The following CGNL1 variants were observed in gnomAD, a reference collection of about 807,000 sequenced individuals.
CGNL1 encodes cingulin-like protein 1.
CGNL1 carries 132 observed loss-of-function variants against 141.2 expected under a neutral mutation model. That is an observed-to-expected ratio of 0.93 (90% CI 0.81 to 1.08). CGNL1 has a LOEUF of 1.08. CGNL1 is among the 50% of genes least tolerant of loss of function. CGNL1 has a pLI of 0.00. For synonymous variants in CGNL1, 690 were observed against 622.1 expected, an observed-to-expected ratio of 1.11 and a Z score of -1.63; for missense variants, 1,870 against 1,588.6, an observed-to-expected ratio of 1.18 and a Z score of -3.01.
chr15:57,432,511 CA>C (rs1402685397), intron 1 of CGNL1, among the ~76,000 whole-genome samples: 2 of 152,146 alleles, frequency 1.3e-5, no homozygotes, highest in African/African-American at 2.4e-5. Context: ...GTATTATTTC[CA>C]CTCCAAAACA....
chr15:57,440,557 C>A, intron 3 of CGNL1, 86 bp downstream of exon 3: 3 of 1,016,622 alleles, frequency 3.0e-6, no homozygotes, highest in South Asian at 1.4e-5. Context: ...TAATGGTTAC[C>A]TTCCTTTCTT....
chr15:57,501,700 G>A (rs1479348030), intron 8 of CGNL1, among the ~76,000 whole-genome samples: 1 of 152,154 alleles, frequency 6.6e-6, no homozygotes, highest in Non-Finnish European at 1.5e-5. Flanking sequence ...GGCAAGAGGT[G>A]ACCTCTAGGA....
intron 1 of CGNL1, among the ~76,000 whole-genome samples, chr15:57,396,339 A>T (rs1323552453): frequency 6.9e-6 from 1 of 144,762 alleles, no homozygotes; most frequent in Non-Finnish European, 1.5e-5. Flanking sequence ...CAGTGATGTG[A>T]TCTCAGCTCA....
intron 8 of CGNL1, among the ~76,000 whole-genome samples, chr15:57,463,143 C>T (rs989415655): frequency 6.6e-6 from 1 of 151,978 alleles, no homozygotes; most frequent in African/African-American, 2.4e-5. Flanking sequence ...CTGGGTGGCT[C>T]CTTTAAGGGC....
intron 8 of CGNL1, among the ~76,000 whole-genome samples, chr15:57,480,450 G>A (rs541102059): frequency 5.9e-5 from 9 of 152,260 alleles, no homozygotes; most frequent in Admixed American, 2.0e-4. Context: ...AACTCAGGAG[G>A]CGGAGGTTGC....
chr15:57,467,985 C>A (rs970018228), intron 8 of CGNL1, among the ~76,000 whole-genome samples: 6 of 152,018 alleles, frequency 3.9e-5, no homozygotes, highest in African/African-American at 1.4e-4. Flanking sequence ...CCACCATGGC[C>A]GGCTAAGTCT....
At chr15:57,524,831 T>C (rs1273460084) in intron 12 of CGNL1, 80 bp downstream of exon 12, 1 of 1,406,284 alleles carries the variant, frequency 7.1e-7, no homozygotes, top group Non-Finnish European at 9.7e-7. Context: ...GTGAGGGACT[T>C]GGGGGTAGAT....
chr15:57,531,853 T>C, intron 14 of CGNL1, 74 bp downstream of exon 14: 1 of 932,650 alleles, frequency 1.1e-6, no homozygotes, highest in South Asian at 1.4e-5. Context: ...ATCCTGGGGC[T>C]TCAGTTAAGT....
intron 1 of CGNL1, among the ~76,000 whole-genome samples, chr15:57,426,156 T>A (rs906187360): frequency 6.6e-5 from 10 of 152,084 alleles, no homozygotes; most frequent in Admixed American, 3.3e-4. Context: ...ACATTCTTTT[T>A]TTTTTTGAGA....
At position 57,547,594 on chromosome 15, in the gene CGNL1, A is replaced by T; in HGVS notation, c.*104A>T. On this transcript the variant is annotated 3_prime_UTR_variant, in exon 19 of 19. Transcript: ENST00000281282. ...CATCTGTCTGCCACTGAGACCAATCACAGCCTCTTTGCACAGCATGCCAGC... is the reference window on the plus strand; with the variant it reads ...CATCTGTCTGCCACTGAGACCAATCTCAGCCTCTTTGCACAGCATGCCAGC... The T allele has an allele frequency of 7.5e-7, 1 of 1,327,190 alleles. No homozygotes were observed. 82.2% of individuals were successfully genotyped at this position (1,327,190 alleles called of 1,614,324 possible). A position where few individuals can be genotyped will look rare whatever the true frequency, so the allele number is the denominator to read the frequency against.
At chr15:57,524,110 G>A (rs759058785) in intron 11 of CGNL1, among the ~76,000 whole-genome samples, 9 of 152,212 alleles carry the variant, frequency 5.9e-5, no homozygotes, top group Non-Finnish European at 1.3e-4. Flanking sequence ...GAGTTGACAC[G>A]AGTGTCTGCT....
intron 8 of CGNL1, among the ~76,000 whole-genome samples, chr15:57,488,898 CTT>C (rs1472562203): frequency 0.011 from 1,647 of 152,288 alleles, 32 homozygotes; most frequent in African/African-American, 0.037. Context: ...ACTAGAGCTG[CTT>C]ACCATGTTGC....
chr15:57,411,917 A>T (rs1331079688), intron 1 of CGNL1, among the ~76,000 whole-genome samples: 1 of 152,134 alleles, frequency 6.6e-6, no homozygotes, highest in Admixed American at 6.5e-5. Flanking sequence ...CTTATTTTAA[A>T]CAAGAGCATC....
chr15:57,383,317 A>G (rs1184100763), intron 1 of CGNL1, among the ~76,000 whole-genome samples: 1 of 73,104 alleles, frequency 1.4e-5, no homozygotes, highest in Admixed American at 1.2e-4. Context: ...TTTTTTTGAT[A>G]CAGAGTTGCC....
chr15:57,437,147 A>G (rs2152303809), intron 1 of CGNL1, among the ~76,000 whole-genome samples: 1 of 152,322 alleles, frequency 6.6e-6, no homozygotes, highest in Middle Eastern at 3.4e-3. Flanking sequence ...AGCTCTCTGC[A>G]GTCATCTGGC....
At chr15:57,458,399 T>C (rs1011846288) in intron 7 of CGNL1, among the ~76,000 whole-genome samples, 2 of 152,220 alleles carry the variant, frequency 1.3e-5, no homozygotes, top group Non-Finnish European at 2.9e-5. Context: ...TACTAAGTGA[T>C]ATGGCGAGGT....
intron 16 of CGNL1, 111 bp downstream of exon 16, chr15:57,544,708 A>G: frequency 7.8e-7 from 1 of 1,278,384 alleles, no homozygotes; most frequent in Non-Finnish European, 1.1e-6. Context: ...CCTGTGAGGA[A>G]GGCAGAGCAA....
chr15:57,519,762 G>A (rs1028373787), intron 10 of CGNL1, among the ~76,000 whole-genome samples: 20 of 152,080 alleles, frequency 1.3e-4, no homozygotes, highest in Non-Finnish European at 2.8e-4. Flanking sequence ...GCTGGTTGGG[G>A]GGCAGAAAGA....
chr15:57,544,783 G>T (rs1359684392), intron 16 of CGNL1, among the ~76,000 whole-genome samples, 186 bp downstream of exon 16: 1 of 152,192 alleles, frequency 6.6e-6, no homozygotes, highest in Non-Finnish European at 1.5e-5. Flanking sequence ...CAAAATAAGT[G>T]ACTTGAGTAA....
Sources: gnomAD v4.1 joint callset for allele counts (sites outside exome capture counted in the v4.1 genomes callset) on GRCh38, gnomAD v4.1.1 for gene constraint, MANE v1.5 for transcripts, NCBI Gene and HGNC (gene_info 2026-07-23, HGNC 2026-07-21) for gene names.